TUBGCP3: variants seen among roughly 807,000 people sequenced by gnomAD.
TUBGCP3 encodes tubulin gamma complex component 3.
TUBGCP3 carries 50 observed loss-of-function variants against 123.1 expected under a neutral mutation model. The ratio of observed to expected loss-of-function variants is 0.41; its 90% CI spans 0.32 to 0.51. The LOEUF (loss-of-function observed/expected upper bound fraction) is 0.51. TUBGCP3 is among the 20% of genes least tolerant of loss of function. TUBGCP3 has a pLI of 0.36. For missense variants in TUBGCP3, 882 were observed against 1,127.0 expected, an observed-to-expected ratio of 0.78 and a Z score of 3.11; for synonymous variants, 405 against 413.9, an observed-to-expected ratio of 0.98 and a Z score of 0.26.
At chr13:112,589,870 T>C (rs529901638), upstream of TUBGCP3, among the ~76,000 whole-genome samples, 3 of 152,202 alleles carry the variant, frequency 2.0e-5, no homozygotes, top group Non-Finnish European at 4.4e-5. Flanking sequence ...TAGCTCAATC[T>C]AAATCTCCAA....
intron 20 of TUBGCP3, among the ~76,000 whole-genome samples, chr13:112,497,906 C>T (rs936569261): frequency 6.6e-6 from 1 of 152,044 alleles, no homozygotes; most frequent in Non-Finnish European, 1.5e-5. Context: ...ATGACTGTAT[C>T]CTGAAAAAGT....
chr13:112,516,875 C>T (rs1261138013), intron 16 of TUBGCP3, among the ~76,000 whole-genome samples: 1 of 152,166 alleles, frequency 6.6e-6, no homozygotes, highest in Admixed American at 6.5e-5. Flanking sequence ...CCTGAGGGAT[C>T]CGTGAGGCAG....
intron 2 of TUBGCP3, among the ~76,000 whole-genome samples, chr13:112,567,862 C>T (rs968343004): frequency 2.0e-5 from 3 of 152,198 alleles, no homozygotes; most frequent in African/African-American, 7.2e-5. Flanking sequence ...AACTGTGCCA[C>T]GCAGGACTTC....
intron 20 of TUBGCP3, 56 bp downstream of exon 20, chr13:112,498,989 G>A: frequency 6.2e-7 from 1 of 1,614,226 alleles, no homozygotes; most frequent in Non-Finnish European, 8.5e-7. Flanking sequence ...AGATTATCGT[G>A]TGTGGCAAGG....
At chr13:112,522,761 C>A (rs1439000115) in intron 13 of TUBGCP3, among the ~76,000 whole-genome samples, 3 of 152,166 alleles carry the variant, frequency 2.0e-5, no homozygotes, top group African/African-American at 7.2e-5. Flanking sequence ...TTTCCAAATC[C>A]CTTAATACAC....
chr13:112,530,325 AT>A (rs1342195413), intron 11 of TUBGCP3, among the ~76,000 whole-genome samples: 1 of 152,260 alleles, frequency 6.6e-6, no homozygotes, highest in Non-Finnish European at 1.5e-5. Context: ...ATATAAATGA[AT>A]TACAAAATAT....
intron 3 of TUBGCP3, among the ~76,000 whole-genome samples, chr13:112,563,887 A>AAAC (rs200139999): frequency 4.3e-4 from 64 of 148,604 alleles, no homozygotes; most frequent in East Asian, 2.8e-3. Context: ...AAAAAAAAAA[A>AAAC]AGTGTCTAAA....
At position 112,504,306 on chromosome 13, in the gene TUBGCP3, G is replaced by A. The variant is rs1282404867; in HGVS notation, c.2176-143C>T. The A allele has an allele frequency of 3.8e-6, 4 of 1,059,618 alleles. No homozygotes were observed. In the South Asian group the frequency reaches 4.9e-5, roughly 13 times the overall value. The allele number at this position is 1,059,618 out of a possible 1,614,324, so 65.6% of individuals were successfully genotyped here. ...AGTTAGAAACCAGCCTGGCCAACAT[G>A]GCAAAACCCCGTCTCTACTAAAAAT... is the stretch of plus-strand genomic sequence containing the variant. On this transcript the variant is annotated intron_variant, in intron 18 of 21. Transcript: ENST00000261965.
intron 3 of TUBGCP3, among the ~76,000 whole-genome samples, chr13:112,564,585 G>T (rs1880802643): frequency 6.6e-6 from 1 of 152,182 alleles, no homozygotes; most frequent in African/African-American, 2.4e-5. Flanking sequence ...GGAGGCCCAG[G>T]CAGGAGGATT....
intron 2 of TUBGCP3, among the ~76,000 whole-genome samples, chr13:112,565,684 C>T (rs1445353056): frequency 2.6e-5 from 4 of 152,154 alleles, no homozygotes; most frequent in Non-Finnish European, 5.9e-5. Context: ...CCTGTAATCC[C>T]AGCACTTTGG....
Position 112,554,058 on chromosome 13 carries a change from T to TG in TUBGCP3, c.964dup (p.Gln322ProfsTer30), listed in dbSNP as rs1232075317. ...GCATCCTAGGAACCATGAACGCACC[T>TG]GCCCGACGAGTCCGAATGAGCGGTC... On this transcript the variant is annotated frameshift_variant and splice_region_variant, in exon 8 of 22. Coordinates refer to ENST00000261965, the MANE Select transcript of TUBGCP3 (RefSeq NM_006322.6). LOFTEE classifies it high-confidence loss of function. 6.2e-7 allele frequency: 1 copy of TG among 1,612,134 alleles called. No homozygotes were observed. Among genetic ancestry groups the TG allele is most frequent in the African/African-American group, 1.3e-5 (1 of 74,780 alleles).
upstream of TUBGCP3, among the ~76,000 whole-genome samples, chr13:112,590,170 G>GT (rs1882857320): frequency 6.6e-6 from 1 of 151,998 alleles, no homozygotes; most frequent in Admixed American, 6.6e-5. Flanking sequence ...TAGAGACGGG[G>GT]TTACACTCTG....
At position 112,545,412 on chromosome 13, in the gene TUBGCP3, G is replaced by C. The variant is rs1417486676; in HGVS notation, c.1335+287C>G. On this transcript the variant is annotated intron_variant, in intron 11 of 21. Coordinates refer to ENST00000261965, the MANE Select transcript of TUBGCP3 (RefSeq NM_006322.6). The surrounding 1 kb of genome is among the most constrained non-coding windows in gnomAD (Gnocchi z 4.1). Reference sequence around the variant, plus strand: ...ACTGCCCCAAGACTCAGGAGGCCTCGTCCTGTTTTGCCATCCACGTGCTAG... The same window carrying C: ...ACTGCCCCAAGACTCAGGAGGCCTCCTCCTGTTTTGCCATCCACGTGCTAG... 8.4e-6 allele frequency: 3 copies of C among 355,096 alleles called. No homozygotes were observed. The highest frequency in any genetic ancestry group is 4.0e-5 in the African/African-American group (2 of 49,570). The allele number at this position is 355,096 out of a possible 1,614,324, so 22.0% of individuals were successfully genotyped here. A position where few individuals can be genotyped will look rare whatever the true frequency, so the allele number is the denominator to read the frequency against.
At chr13:112,601,195 A>T in the TUBGCP3 span, among the ~76,000 whole-genome samples, 1 of 151,848 alleles carries the variant, frequency 6.6e-6, no homozygotes, top group Non-Finnish European at 1.5e-5. Context: ...TAAAAAAAAA[A>T]AAAAAAAAAA....
rs750656735 is a variant in TUBGCP3 at position 112,554,935 on chromosome 13, T to C, written c.792A>G (p.Lys264=). 42 of 1,613,440 alleles carry C rather than the reference T, an allele frequency of 2.6e-5. No homozygotes were observed. The highest frequency in any genetic ancestry group is 2.9e-5 in the Non-Finnish European group (34 of 1,179,924). The change falls in exon 7 of 22, where the codon AAA becomes AAG. Residue 264 remains lysine (K), a synonymous_variant. Transcript: ENST00000261965. The part of the protein sequence containing the change: ...ILYVFQGIDG[K]NIKMNNTENC... ...TTTCAGTGTTGTTCATTTTGATGTTTTTGCCATCTATGCCCTGAAAGACGT... is the reference window on the plus strand; with the variant it reads ...TTTCAGTGTTGTTCATTTTGATGTTCTTGCCATCTATGCCCTGAAAGACGT...
At chr13:112,589,863 C>T (rs182672128), upstream of TUBGCP3, among the ~76,000 whole-genome samples, 35 of 152,304 alleles carry the variant, frequency 2.3e-4, no homozygotes, top group African/African-American at 7.0e-4. Context: ...GTAAAATTAG[C>T]TCAATCTAAA....
rs1366260057 is a variant in TUBGCP3, at chr13:112,485,986, G to A, written c.*7C>T. 2.5e-6 allele frequency: 4 copies of A among 1,578,474 alleles called. No homozygotes were observed. Among genetic ancestry groups the A allele is most frequent in the East Asian group, 2.3e-5 (1 of 44,200 alleles). On this transcript the variant is annotated 3_prime_UTR_variant, in exon 22 of 22. Transcript: ENST00000261965. ...TCACCCGCAGCTCCCTGGGAGGACCGCGAGCTTCACGTGTGGGAGCTGCGC... is the reference window on the plus strand; with the variant it reads ...TCACCCGCAGCTCCCTGGGAGGACCACGAGCTTCACGTGTGGGAGCTGCGC...
intron 11 of TUBGCP3, among the ~76,000 whole-genome samples, chr13:112,530,325 A>G (rs1384688529): frequency 6.6e-6 from 1 of 152,260 alleles, no homozygotes; most frequent in Non-Finnish European, 1.5e-5. Flanking sequence ...ATATAAATGA[A>G]TTACAAAATA....
chr13:112,571,032 C>T (rs1881351338), intron 1 of TUBGCP3, among the ~76,000 whole-genome samples: 1 of 152,166 alleles, frequency 6.6e-6, no homozygotes, highest in African/African-American at 2.4e-5. Context: ...GCTATTGCCA[C>T]CACATCTGCA....
Sources: gnomAD v4.1 joint callset for allele counts (sites outside exome capture counted in the v4.1 genomes callset) on GRCh38, gnomAD v4.1.1 for gene constraint, Gnocchi (gnomAD v3.1) non-coding constraint, MANE v1.5 for transcripts, NCBI Gene and HGNC (gene_info 2026-07-23, HGNC 2026-07-21) for gene names.